Variants in DROSHA observed in about 807,000 individuals in gnomAD.
DROSHA encodes ribonuclease 3.
In DROSHA, 56 loss-of-function variants were observed where a neutral mutation model predicts 181.9. That is an observed-to-expected ratio of 0.31 (90% CI 0.25 to 0.38). The LOEUF (loss-of-function observed/expected upper bound fraction) is 0.38, where lower values mean the gene tolerates loss of function less well. Ranked by LOEUF, DROSHA falls within the 10% of genes least tolerant of loss-of-function variation. The probability of loss-of-function intolerance (pLI) is 1.00; values close to 1 mark genes in which losing one functional copy is unlikely to be tolerated. For synonymous variants in DROSHA, 524 were observed against 591.2 expected (o/e 0.89, Z 1.65); for missense variants, 1,218 against 1,743.5 (o/e 0.70, Z 5.37).
intron 23 of DROSHA, among the ~76,000 whole-genome samples, chr5:31,440,787 T>C (rs567952154): frequency 6.6e-6 from 1 of 152,298 alleles, no homozygotes; most frequent in Admixed American, 6.5e-5. Context: ...AAAGTATTAA[T>C]AATATTGTAT....
Position 31,514,865 on chromosome 5 carries a change from C to G in DROSHA, c.1290+123G>C. ...ATCTAACAGGTAGAGCCCAGAGATG[C>G]CGCTAAACATCCTACAATGCATAGG... On this transcript the variant is annotated intron_variant, in intron 8 of 35. Transcript: ENST00000344624. The surrounding 1 kb of genome is among the most constrained non-coding windows in gnomAD (Gnocchi z 4.4). The G allele has an allele frequency of 1.2e-6, 1 of 861,090 alleles. No individual in the cohort carries two copies. The highest frequency in any genetic ancestry group is 1.8e-6 in the Non-Finnish European group (1 of 563,426). 53.3% of individuals were successfully genotyped at this position (861,090 alleles called of 1,614,324 possible). A position where few individuals can be genotyped will look rare whatever the true frequency, so the allele number is the denominator to read the frequency against.
chr5:31,448,703 T>G (rs1746594763), intron 22 of DROSHA, 96 bp from the exon 23 acceptor site: 9 of 916,174 alleles, frequency 9.8e-6, no homozygotes, highest in Non-Finnish European at 1.5e-5. Flanking sequence ...CATCTCAATG[T>G]GATTTTAAAA....
intron 30 of DROSHA, among the ~76,000 whole-genome samples, chr5:31,420,754 C>T (rs1482926937): frequency 2.0e-5 from 3 of 152,148 alleles, no homozygotes; most frequent in African/African-American, 7.2e-5. Flanking sequence ...ATCATTATAC[C>T]CATGAAGCCT....
chr5:31,507,886 C>T (rs1342518495), intron 10 of DROSHA, among the ~76,000 whole-genome samples: 3 of 152,156 alleles, frequency 2.0e-5, no homozygotes, highest in Non-Finnish European at 4.4e-5. Flanking sequence ...ACACAAAATA[C>T]ATTTCTGCCA....
intron 26 of DROSHA, 24 bp downstream of exon 26, chr5:31,431,552 C>T (rs532633777): frequency 1.2e-6 from 2 of 1,606,590 alleles, no homozygotes; most frequent in Admixed American, 3.3e-5. Context: ...AGAAAGTAGA[C>T]TTCTTGAAGA....
intron 28 of DROSHA, chr5:31,423,219 C>T (rs1324563817): frequency 4.8e-6 from 1 of 210,432 alleles, no homozygotes; most frequent in African/African-American, 2.3e-5. Flanking sequence ...TATACTAACT[C>T]TCCAAGGAGA....
At position 31,516,025 on chromosome 5, in the gene DROSHA, G is replaced by T. The variant is rs546260033; in HGVS notation, c.948-461C>A. On this transcript the variant is annotated intron_variant, in intron 6 of 35. Transcript: ENST00000344624. ...AATCCCAGCACTTTGGAAGGCCGAG[G>T]CGGGAGGATCACTTAAGCCCAGGGG... is the stretch of plus-strand genomic sequence containing the variant. 1.4e-4 allele frequency among the ~76,000 whole-genome samples: 21 copies of T among 152,332 alleles called. No individual in the cohort carries two copies. In the South Asian group the frequency reaches 4.1e-3, roughly 30 times the overall value.
At chr5:31,442,304 T>G (rs1174231531) in intron 23 of DROSHA, among the ~76,000 whole-genome samples, 1 of 152,194 alleles carries the variant, frequency 6.6e-6, no homozygotes, top group Non-Finnish European at 1.5e-5. Flanking sequence ...CCACTTTAGT[T>G]TATTATTATA....
chr5:31,417,002 G>T (rs772087705), intron 30 of DROSHA, among the ~76,000 whole-genome samples: 1 of 152,214 alleles, frequency 6.6e-6, no homozygotes, highest in Admixed American at 6.5e-5. Flanking sequence ...GGAGAAGACA[G>T]ATAGTAAACA....
intron 25 of DROSHA, among the ~76,000 whole-genome samples, chr5:31,432,170 C>T (rs1580069364): frequency 1.3e-5 from 2 of 150,230 alleles, no homozygotes; most frequent in Non-Finnish European, 1.5e-5. Context: ...CTGGCTCTGT[C>T]GCCCAGGCTG....
chr5:31,451,682 T>G, intron 20 of DROSHA, 42 bp from the exon 21 acceptor site: 3 of 1,449,742 alleles, frequency 2.1e-6, no homozygotes, highest in South Asian at 1.2e-5. Flanking sequence ...TTATAAAAAC[T>G]TATAAAGTCA....
In DROSHA at chr5:31,422,712, A is replaced by G; in HGVS notation, c.3419+75T>C. On this transcript the variant is annotated intron_variant, in intron 29 of 35. Transcript: ENST00000344624. ...ATATTTGAAATCCCAATTCCTTCGAAGGGCATGCTCCAAAGGTCTGGGACT... is the reference window on the plus strand; with the variant it reads ...ATATTTGAAATCCCAATTCCTTCGAGGGGCATGCTCCAAAGGTCTGGGACT... 7 of 1,550,752 alleles carry G rather than the reference A, an allele frequency of 4.5e-6. No homozygotes were observed. In the South Asian group the frequency reaches 7.1e-5, roughly 16 times the overall value.
intron 23 of DROSHA, among the ~76,000 whole-genome samples, chr5:31,441,778 A>T (rs1282350570): frequency 6.6e-6 from 1 of 152,232 alleles, no homozygotes; most frequent in African/African-American, 2.4e-5. Context: ...GTGAGTTTTA[A>T]GAAATAAATT....
At chr5:31,453,943 AC>A (rs1452019295) in intron 20 of DROSHA, among the ~76,000 whole-genome samples, 4 of 150,054 alleles carry the variant, frequency 2.7e-5, no homozygotes, top group African/African-American at 9.9e-5. Context: ...AAAAAAAAAA[AC>A]CCTCAAATTC....
At chr5:31,402,375 T>G (rs1740114632) in intron 35 of DROSHA, among the ~76,000 whole-genome samples, 1 of 123,940 alleles carries the variant, frequency 8.1e-6, no homozygotes, top group Non-Finnish European at 1.7e-5. Flanking sequence ...AGGCGAGTAA[T>G]GTACAATAAC....
chr5:31,447,167 C>G (rs661705), intron 23 of DROSHA, among the ~76,000 whole-genome samples: 5,381 of 152,158 alleles, frequency 0.035, 197 homozygotes, highest in African/African-American at 0.093. Flanking sequence ...AACACAGGAA[C>G]AGAAAACCAA....
At chr5:31,495,401 A>C (rs780964404) in intron 11 of DROSHA, 29 bp from the exon 12 acceptor site, 25 of 1,594,752 alleles carry the variant, frequency 1.6e-5, no homozygotes, top group Non-Finnish European at 2.1e-5. Context: ...AAATCAGTTT[A>C]CAAGTAAAGC....
intron 20 of DROSHA, among the ~76,000 whole-genome samples, chr5:31,457,059 C>T (rs1747749875): frequency 7.0e-6 from 1 of 143,452 alleles, no homozygotes; most frequent in African/African-American, 2.6e-5. Context: ...ACCATTCATA[C>T]AAGAAAGAGG....
intron 20 of DROSHA, among the ~76,000 whole-genome samples, chr5:31,459,379 T>A (rs1392707221): frequency 6.8e-6 from 1 of 147,586 alleles, no homozygotes; most frequent in Non-Finnish European, 1.5e-5. Context: ...GCCACTGGAT[T>A]CCAGCCTGGG....
Sources: allele counts gnomAD v4.1 joint callset (sites outside exome capture counted in the v4.1 genomes callset), GRCh38; gene constraint gnomAD v4.1.1; non-coding constraint Gnocchi (gnomAD v3.1); transcripts MANE v1.5; gene names NCBI Gene and HGNC (gene_info 2026-07-23, HGNC 2026-07-21).